Variants in MORN5 observed in about 807,000 individuals in gnomAD.
MORN5 encodes the protein MORN repeat-containing protein 5.
In MORN5, 21 loss-of-function variants were observed where a neutral mutation model predicts 22.1. That is an observed-to-expected ratio of 0.95 (90% CI 0.67 to 1.37). MORN5 has a LOEUF of 1.37. MORN5 is among the 40% of genes most tolerant of loss of function. The pLI, the probability that MORN5 is intolerant of heterozygous loss-of-function variation, is 0.00. For synonymous variants in MORN5, 73 were observed against 74.0 expected, an observed-to-expected ratio of 0.99 and a Z score of 0.07; for missense variants, 211 against 215.1, an observed-to-expected ratio of 0.98 and a Z score of 0.12.
At chr9:122,193,067 A>C (rs960812393) in intron 4 of MORN5, among the ~76,000 whole-genome samples, 4 of 152,248 alleles carry the variant, frequency 2.6e-5, no homozygotes, top group African/African-American at 9.6e-5. Flanking sequence ...GAAGGCTAAC[A>C]TCCGGGCAGG....
chr9:122,168,452 A>G (rs1359036714), intron 2 of MORN5, among the ~76,000 whole-genome samples: 1 of 152,236 alleles, frequency 6.6e-6, no homozygotes, highest in African/African-American at 2.4e-5. Context: ...CACTAAGAGC[A>G]TCTTGGGGCC....
At chr9:122,189,645 C>T (rs1172417151) in intron 4 of MORN5, among the ~76,000 whole-genome samples, 3 of 152,004 alleles carry the variant, frequency 2.0e-5, no homozygotes, top group South Asian at 4.2e-4. Context: ...CTTGCTCTGT[C>T]GCCCAGGCTG....
At position 122,171,946 on chromosome 9, in the gene MORN5, C is replaced by CTTT. The variant is rs71371928; in HGVS notation, c.307+2214_307+2216dup. On this transcript the variant is annotated intron_variant, in intron 3 of 4. Coordinates refer to ENST00000373764, the MANE Select transcript of MORN5 (RefSeq NM_198469.4). ...TTCTCCATTCTGCAGTCACTTCCAT[C>CTTT]TTTTTTTTTTTTTTTTTTTTTTTTT... 7.8e-3 allele frequency among the ~76,000 whole-genome samples: 460 copies of CTTT among 58,618 alleles called. 28 individuals carry two copies. Among genetic ancestry groups the CTTT allele is most frequent in the African/African-American group, 0.027 (443 of 16,420 alleles). 38.5% of individuals were successfully genotyped at this position (58,618 alleles called of 152,430 possible).
At chr9:122,161,226 C>T (rs1829193588) in intron 1 of MORN5, among the ~76,000 whole-genome samples, 1 of 152,128 alleles carries the variant, frequency 6.6e-6, no homozygotes. Context: ...TGGTGGAATT[C>T]CAGGGCATTC....
intron 1 of MORN5, among the ~76,000 whole-genome samples, chr9:122,165,368 G>C (rs937863851): frequency 7.2e-6 from 1 of 139,116 alleles, no homozygotes; most frequent in Non-Finnish European, 1.5e-5. Context: ...AGATCAGCCT[G>C]GGCAACATAG....
chr9:122,186,075 A>G (rs1313669144), intron 4 of MORN5, among the ~76,000 whole-genome samples: 1 of 152,226 alleles, frequency 6.6e-6, no homozygotes, highest in Non-Finnish European at 1.5e-5. Context: ...AATACGCTGT[A>G]ACTGCCAAAT....
chr9:122,167,353 CTTTTTTTTTTTT>C lies in MORN5; in HGVS notation c.195+448_195+459del, dbSNP rs61672512. 5.2e-4 allele frequency among the ~76,000 whole-genome samples: 54 copies of C among 104,550 alleles called. 1 individual carries two copies. Among genetic ancestry groups the C allele is most frequent in the Non-Finnish European group, 8.4e-4 (45 of 53,684 alleles). The allele number at this position is 104,550 out of a possible 152,430, so 68.6% of individuals were successfully genotyped here. On this transcript the variant is annotated intron_variant, in intron 2 of 4. Transcript: ENST00000373764. Reference sequence around the variant, plus strand: ...GCAGGTGTGAGCCACCGCACCTGACCTTTTTTTTTTTTTTTTTTTTTGAAAACGAGTCTCTGT... The same window carrying C: ...GCAGGTGTGAGCCACCGCACCTGACCTTTTTTTTTGAAAACGAGTCTCTGT...
chr9:122,195,670 A>G (rs1358788966), intron 4 of MORN5, among the ~76,000 whole-genome samples: 1 of 152,182 alleles, frequency 6.6e-6, no homozygotes, highest in Non-Finnish European at 1.5e-5. Flanking sequence ...TGCTGTTAAC[A>G]TTGATCACCT....
At chr9:122,184,862 T>C (rs1359442523) in intron 4 of MORN5, among the ~76,000 whole-genome samples, 1 of 152,072 alleles carries the variant, frequency 6.6e-6, no homozygotes, top group Non-Finnish European at 1.5e-5. Flanking sequence ...CTAAAGACAA[T>C]GTTAGAGCTG....
chr9:122,174,819 A>G, intron 4 of MORN5, 192 bp downstream of exon 4: 1 of 1,427,796 alleles, frequency 7.0e-7, no homozygotes. Context: ...TCCTAGAGTG[A>G]GGTAAAAGCA....
At chr9:122,192,418 A>G (rs1105993) in intron 4 of MORN5, among the ~76,000 whole-genome samples, 76,984 of 152,128 alleles carry the variant, frequency 0.51, 22,713 homozygotes, top group African/African-American at 0.81. Flanking sequence ...TAGTGACAGA[A>G]TTCCAGTGCC....
intron 3 of MORN5, among the ~76,000 whole-genome samples, chr9:122,172,743 G>A (rs1048060647): frequency 6.6e-6 from 1 of 152,286 alleles, no homozygotes; most frequent in South Asian, 2.1e-4. Flanking sequence ...GGCATACAGT[G>A]GGTACTCGTT....
At chr9:122,167,645 G>A (rs146562103) in intron 2 of MORN5, among the ~76,000 whole-genome samples, 200 of 152,164 alleles carry the variant, frequency 1.3e-3, no homozygotes, top group African/African-American at 4.5e-3. Context: ...TTAGGCCCAC[G>A]ACTTCACCTC....
intron 4 of MORN5, among the ~76,000 whole-genome samples, chr9:122,187,110 A>T (rs765847394): frequency 6.6e-5 from 10 of 152,186 alleles, no homozygotes; most frequent in Non-Finnish European, 1.3e-4. Context: ...ATGAGGTGAG[A>T]TGACACACTC....
chr9:122,169,316 A>T (rs1291253455), intron 2 of MORN5, among the ~76,000 whole-genome samples: 1 of 152,180 alleles, frequency 6.6e-6, no homozygotes, highest in African/African-American at 2.4e-5. Flanking sequence ...TAAATGCTTC[A>T]CGTGTGCTAT....
chr9:122,174,651 C>T, intron 4 of MORN5, 24 bp downstream of exon 4: 3 of 1,613,866 alleles, frequency 1.9e-6, no homozygotes, highest in Non-Finnish European at 2.5e-6. Context: ...GACACTGCAG[C>T]ACGTTTTCTC....
Position 122,199,978 on chromosome 9 carries a change from C to G in MORN5, c.*47C>G. On this transcript the variant is annotated 3_prime_UTR_variant, in exon 5 of 5. Transcript: ENST00000373764. ...CCCGAGCCGTGAACTCTGTGGCTGCCTCCACCAGAGGTTTCCATCTGCCCT... is the reference window on the plus strand; with the variant it reads ...CCCGAGCCGTGAACTCTGTGGCTGCGTCCACCAGAGGTTTCCATCTGCCCT... The G allele has an allele frequency of 6.2e-7, 1 of 1,603,534 alleles. No homozygotes were observed. Among genetic ancestry groups the G allele is most frequent in the Non-Finnish European group, 8.5e-7 (1 of 1,170,350 alleles).
intron 4 of MORN5, among the ~76,000 whole-genome samples, chr9:122,185,332 C>T (rs1829606137): frequency 6.6e-6 from 1 of 152,178 alleles, no homozygotes; most frequent in African/African-American, 2.4e-5. Flanking sequence ...ACGCCATTCT[C>T]CTGCCTCAGC....
At chr9:122,171,334 C>T (rs368768039) in intron 3 of MORN5, among the ~76,000 whole-genome samples, 16 of 152,294 alleles carry the variant, frequency 1.1e-4, no homozygotes, top group East Asian at 9.6e-4. Context: ...CCGGGTGAGC[C>T]GCCTTCTCTC....
Sources: gnomAD v4.1 joint callset for allele counts (sites outside exome capture counted in the v4.1 genomes callset) on GRCh38, gnomAD v4.1.1 for gene constraint, MANE v1.5 for transcripts, NCBI Gene and HGNC (gene_info 2026-07-23, HGNC 2026-07-21) for gene names.